The following NTM variants were observed in gnomAD, a reference collection of about 807,000 sequenced individuals.
NTM encodes neurotrimin.
Under a neutral mutation model 42.1 loss-of-function variants are expected in NTM, and 13 were observed. The ratio of observed to expected loss-of-function variants is 0.31; its 90% CI spans 0.20 to 0.49. The LOEUF is 0.49. NTM is among the 20% of genes least tolerant of loss of function. The probability of loss-of-function intolerance (pLI) is 0.99; values close to 1 mark genes in which losing one functional copy is unlikely to be tolerated. For synonymous variants in NTM, 187 were observed against 179.2 expected, an observed-to-expected ratio of 1.04 and a Z score of -0.35; for missense variants, 373 against 452.8, an observed-to-expected ratio of 0.82 and a Z score of 1.60.
At chr11:132,114,291 C>T (rs868000978) in intron 2 of NTM, among the ~76,000 whole-genome samples, 3 of 152,136 alleles carry the variant, frequency 2.0e-5, no homozygotes, top group Admixed American at 6.5e-5. Context: ...GGTAGTACTT[C>T]GAACACTTTT....
At chr11:131,952,939 T>C (rs1439027827) in intron 2 of NTM, among the ~76,000 whole-genome samples, 5 of 152,226 alleles carry the variant, frequency 3.3e-5, no homozygotes, top group Non-Finnish European at 7.3e-5. Context: ...CATTTTGCTG[T>C]TGTTATTCTG....
chr11:131,602,883 T>C (rs2060615041), intron 1 of NTM, among the ~76,000 whole-genome samples: 1 of 152,238 alleles, frequency 6.6e-6, no homozygotes. Context: ...ACTTACCACC[T>C]ATATTTAATT....
intron 1 of NTM, among the ~76,000 whole-genome samples, chr11:131,571,885 G>C (rs2057471834): frequency 6.6e-6 from 1 of 152,180 alleles, no homozygotes; most frequent in East Asian, 1.9e-4. Flanking sequence ...GGGAGGAAGA[G>C]AGCACATATG....
At chr11:131,432,694 A>G (rs1191775467) in intron 1 of NTM, among the ~76,000 whole-genome samples, 1 of 152,104 alleles carries the variant, frequency 6.6e-6, no homozygotes, top group Non-Finnish European at 1.5e-5. Flanking sequence ...TCCTCATCCA[A>G]GAATTCCATT....
intron 2 of NTM, among the ~76,000 whole-genome samples, chr11:131,979,119 T>C (rs1308631292): frequency 3.3e-5 from 5 of 152,162 alleles, no homozygotes; most frequent in African/African-American, 1.2e-4. Context: ...TTCAAACATA[T>C]TTTCTTTAAT....
At chr11:131,954,233 C>T (rs753903862) in intron 2 of NTM, among the ~76,000 whole-genome samples, 1 of 152,218 alleles carries the variant, frequency 6.6e-6, no homozygotes, top group Admixed American at 6.5e-5. Context: ...CAGGACGCTT[C>T]ACTCAGCAGA....
At chr11:132,185,440 A>G (rs2078249128) in intron 3 of NTM, among the ~76,000 whole-genome samples, 1 of 152,156 alleles carries the variant, frequency 6.6e-6, no homozygotes, top group Non-Finnish European at 1.5e-5. Flanking sequence ...GCACACAAAG[A>G]CTTTTTCCAG....
At chr11:132,256,027 CCTTCT>C (rs548711229) in intron 4 of NTM, among the ~76,000 whole-genome samples, 38 of 152,174 alleles carry the variant, frequency 2.5e-4, no homozygotes, top group Admixed American at 1.8e-3. Flanking sequence ...GCTCCTCCCA[CCTTCT>C]CTTCTCTATC....
At chr11:131,884,619 C>T (rs1387235563) in intron 1 of NTM, among the ~76,000 whole-genome samples, 1 of 152,054 alleles carries the variant, frequency 6.6e-6, no homozygotes, top group Non-Finnish European at 1.5e-5. Flanking sequence ...CACAAATAAA[C>T]AATCCTTGGG....
At chr11:132,241,057 A>C (rs187101180) in intron 4 of NTM, among the ~76,000 whole-genome samples, 12 of 152,362 alleles carry the variant, frequency 7.9e-5, no homozygotes, top group African/African-American at 2.9e-4. Flanking sequence ...AATTACCTTT[A>C]GGCTATGTGT....
At chr11:131,947,230 T>C (rs554527294) in intron 2 of NTM, among the ~76,000 whole-genome samples, 1 of 152,316 alleles carries the variant, frequency 6.6e-6, no homozygotes, top group Admixed American at 6.5e-5. Flanking sequence ...TGCATGATGG[T>C]GGTCTTGACT....
intron 7 of NTM, 165 bp downstream of exon 7, chr11:132,314,868 GGACAGAGAGACAGGGAGGA>G: frequency 7.3e-7 from 1 of 1,366,982 alleles, no homozygotes; most frequent in Non-Finnish European, 9.4e-7. Context: ...GGAGAGAGAG[GGACAGAGAGACAGGGAGGA>G]GGCAGACAGA....
At chr11:132,323,369 A>C (rs375586434) in intron 7 of NTM, among the ~76,000 whole-genome samples, 1 of 150,932 alleles carries the variant, frequency 6.6e-6, no homozygotes, top group Non-Finnish European at 1.5e-5. Flanking sequence ...ACAGAAATAC[A>C]AACTACCATC....
At position 131,469,330 on chromosome 11, in the gene NTM, A is replaced by G. The variant is rs755202045; in HGVS notation, c.82+98442A>G. 2.4e-4 allele frequency among the ~76,000 whole-genome samples: 36 copies of G among 152,240 alleles called. 1 individual carries two copies. Among genetic ancestry groups the G allele is most frequent in the Admixed American group, 1.7e-3 (26 of 15,278 alleles). ...TTATCTCACTTAATTCTCAGGATAC[A>G]TATATTATCTCATTTTATTCTTATA... is the stretch of plus-strand genomic sequence containing the variant. On this transcript the variant is annotated intron_variant, in intron 1 of 8. Transcript: ENST00000683400.
At chr11:131,681,558 T>C (rs56692875) in intron 1 of NTM, among the ~76,000 whole-genome samples, 1,972 of 40,026 alleles carry the variant, frequency 0.049, 606 homozygotes, top group African/African-American at 0.12. Flanking sequence ...CGTGTGTATT[T>C]CTGTGTCTGT....
chr11:131,574,242 A>G (rs1359651901), intron 1 of NTM, among the ~76,000 whole-genome samples: 2 of 152,132 alleles, frequency 1.3e-5, no homozygotes, highest in African/African-American at 4.8e-5. Context: ...GGTGGCTGCA[A>G]TTCAGGAAAT....
At chr11:131,387,821 G>T (rs1943511134) in intron 1 of NTM, among the ~76,000 whole-genome samples, 1 of 152,036 alleles carries the variant, frequency 6.6e-6, no homozygotes, top group African/African-American at 2.4e-5. Context: ...AAAAAAAGGA[G>T]AACAAAAGTT....
At chr11:132,207,008 A>G (rs974403724) in intron 3 of NTM, among the ~76,000 whole-genome samples, 21 of 152,190 alleles carry the variant, frequency 1.4e-4, no homozygotes, top group African/African-American at 4.8e-4. Context: ...GCAAATTGGT[A>G]TATGTCTGCA....
At chr11:132,251,160 C>T (rs1016061746) in intron 4 of NTM, among the ~76,000 whole-genome samples, 7 of 152,192 alleles carry the variant, frequency 4.6e-5, no homozygotes, top group Non-Finnish European at 8.8e-5. Context: ...CTTGGGGATG[C>T]AGCTTTTTGC....
Sources: allele counts gnomAD v4.1 joint callset (sites outside exome capture counted in the v4.1 genomes callset), GRCh38; gene constraint gnomAD v4.1.1; transcripts MANE v1.5; gene names NCBI Gene and HGNC (gene_info 2026-07-23, HGNC 2026-07-21).